The following PLXDC2 variants were observed in gnomAD, a reference collection of about 807,000 sequenced individuals.
PLXDC2 encodes plexin domain-containing protein 2.
PLXDC2 carries 40 observed loss-of-function variants against 68.9 expected under a neutral mutation model. That is an observed-to-expected ratio of 0.58 (90% CI 0.45 to 0.76). The LOEUF (loss-of-function observed/expected upper bound fraction) is 0.76. Among genes scored for constraint, PLXDC2 ranks in the 30% least tolerant of loss-of-function variants. The pLI, the probability that PLXDC2 is intolerant of heterozygous loss-of-function variation, is 0.00. For missense variants in PLXDC2, 644 were observed against 661.9 expected (o/e 0.97, Z 0.30); for synonymous variants, 243 against 234.2 (o/e 1.04, Z -0.34).
intron 4 of PLXDC2, among the ~76,000 whole-genome samples, chr10:20,139,954 G>A (rs964807632): frequency 2.0e-5 from 3 of 151,962 alleles, no homozygotes; most frequent in Non-Finnish European, 2.9e-5. Context: ...GTATACCTAT[G>A]TAACAAACCT....
intron 12 of PLXDC2, among the ~76,000 whole-genome samples, chr10:20,243,464 T>C (rs1048397849): frequency 3.3e-5 from 5 of 152,154 alleles, no homozygotes; most frequent in Non-Finnish European, 5.9e-5. Flanking sequence ...TTTTCAGCCT[T>C]ACTAGATTTG....
intron 4 of PLXDC2, among the ~76,000 whole-genome samples, chr10:20,076,565 T>G (rs1836455254): frequency 6.6e-6 from 1 of 152,198 alleles, no homozygotes; most frequent in South Asian, 2.1e-4. Flanking sequence ...CCACTTACAT[T>G]TCCTCCTTTA....
Position 20,074,864 on chromosome 10 carries a change from G to GTATTATTAT in PLXDC2, c.541+6634_541+6642dup, listed in dbSNP as rs35596122. On this transcript the variant is annotated intron_variant, in intron 4 of 13. Transcript: ENST00000377252. ...GGGAGAAGGTGAATGGAGTTGTTTT[G>GTATTATTAT]TATTATTATTATTATTAACAGAGAT... is the stretch of plus-strand genomic sequence containing the variant. 9.9e-5 allele frequency among the ~76,000 whole-genome samples: 15 copies of GTATTATTAT among 151,002 alleles called. 1 individual carries two copies. The highest frequency in any genetic ancestry group is 1.3e-4 in the Admixed American group (2 of 15,168).
At chr10:20,180,450 A>T (rs1367204068) in intron 9 of PLXDC2, among the ~76,000 whole-genome samples, 1 of 152,028 alleles carries the variant, frequency 6.6e-6, no homozygotes, top group Non-Finnish European at 1.5e-5. Flanking sequence ...AATCTTCGAA[A>T]CTTTGCTTTG....
chr10:20,116,509 C>T (rs1482895248), intron 4 of PLXDC2, among the ~76,000 whole-genome samples: 1 of 151,808 alleles, frequency 6.6e-6, no homozygotes, highest in Admixed American at 6.6e-5. Flanking sequence ...TTTGAGAGCA[C>T]TTCTTAATGC....
chr10:20,099,092 TAATAATA>T (rs1285409748), intron 4 of PLXDC2, among the ~76,000 whole-genome samples: 1 of 152,028 alleles, frequency 6.6e-6, no homozygotes, highest in Non-Finnish European at 1.5e-5. Flanking sequence ...TAGAAAATAA[TAATAATA>T]AATAATAAAG....
intron 12 of PLXDC2, among the ~76,000 whole-genome samples, chr10:20,234,663 C>CTTTTTTTTTTTTT (rs58791520): frequency 8.0e-6 from 1 of 125,420 alleles, no homozygotes; most frequent in Non-Finnish European, 1.7e-5. Flanking sequence ...GGGTTTCTTT[C>CTTTTTTTTTTTTT]TTTTTTTTTT....
At chr10:19,977,195 A>T in intron 1 of PLXDC2, among the ~76,000 whole-genome samples, 1 of 152,166 alleles carries the variant, frequency 6.6e-6, no homozygotes, top group East Asian at 1.9e-4. Context: ...TTCACTCTAG[A>T]TGGATCCAAC....
At chr10:19,968,272 G>A (rs1035763418) in intron 1 of PLXDC2, among the ~76,000 whole-genome samples, 1 of 152,166 alleles carries the variant, frequency 6.6e-6, no homozygotes, top group Non-Finnish European at 1.5e-5. Flanking sequence ...TCTTGTATTA[G>A]ATGAGTGATT....
chr10:19,957,520 A>G (rs1834091124), intron 1 of PLXDC2, among the ~76,000 whole-genome samples: 1 of 152,144 alleles, frequency 6.6e-6, no homozygotes. Context: ...AATACGCTGG[A>G]AATATCTTCT....
At chr10:19,951,690 C>G (rs758409325) in intron 1 of PLXDC2, among the ~76,000 whole-genome samples, 4 of 152,184 alleles carry the variant, frequency 2.6e-5, no homozygotes, top group Non-Finnish European at 5.9e-5. Flanking sequence ...CAAAGAGACA[C>G]TTGTACTTGT....
chr10:19,898,058 T>C (rs1325993672), intron 1 of PLXDC2, among the ~76,000 whole-genome samples: 1 of 152,224 alleles, frequency 6.6e-6, no homozygotes, highest in Non-Finnish European at 1.5e-5. Flanking sequence ...TATTTATTAT[T>C]GATTTTTTGA....
intron 4 of PLXDC2, among the ~76,000 whole-genome samples, chr10:20,138,734 G>T (rs575568483): frequency 6.6e-6 from 1 of 152,166 alleles, no homozygotes; most frequent in African/African-American, 2.4e-5. Flanking sequence ...CCAACATGGT[G>T]AAACCATGTC....
chr10:19,930,280 G>T (rs1212971470), intron 1 of PLXDC2, among the ~76,000 whole-genome samples: 1 of 152,122 alleles, frequency 6.6e-6, no homozygotes, highest in East Asian at 1.9e-4. Flanking sequence ...AACTTCAGTA[G>T]CAAACATTTA....
At chr10:19,857,233 T>G (rs2131331635) in intron 1 of PLXDC2, among the ~76,000 whole-genome samples, 1 of 152,292 alleles carries the variant, frequency 6.6e-6, no homozygotes, top group East Asian at 1.9e-4. Flanking sequence ...TTATTTCAGC[T>G]TCCCACAATA....
intron 7 of PLXDC2, among the ~76,000 whole-genome samples, chr10:20,170,209 T>C (rs540910176): frequency 2.0e-5 from 3 of 152,284 alleles, no homozygotes; most frequent in African/African-American, 4.8e-5. Flanking sequence ...TTTCTTTTTT[T>C]AGTTGGAGTC....
intron 13 of PLXDC2, among the ~76,000 whole-genome samples, chr10:20,260,809 C>A (rs913906966): frequency 6.6e-6 from 1 of 152,144 alleles, no homozygotes; most frequent in African/African-American, 2.4e-5. Flanking sequence ...TACATTTCCC[C>A]CAACAATGTA....
intron 13 of PLXDC2, among the ~76,000 whole-genome samples, chr10:20,274,542 T>G (rs1835979801): frequency 6.6e-6 from 1 of 151,826 alleles, no homozygotes; most frequent in African/African-American, 2.4e-5. Context: ...CGCAGGAAAA[T>G]AAGGCAACTT....
chr10:20,000,592 C>G (rs1283195366), intron 1 of PLXDC2, among the ~76,000 whole-genome samples: 2 of 152,008 alleles, frequency 1.3e-5, no homozygotes, highest in South Asian at 4.2e-4. Context: ...CAAATAATAT[C>G]CTCTCTGTCT....
Sources: gnomAD v4.1 joint callset for allele counts (sites outside exome capture counted in the v4.1 genomes callset) on GRCh38, gnomAD v4.1.1 for gene constraint, MANE v1.5 for transcripts, NCBI Gene and HGNC (gene_info 2026-07-23, HGNC 2026-07-21) for gene names.